Variants in GULP1 observed in about 807,000 individuals in gnomAD.
GULP1 encodes GULP PTB domain containing engulfment adaptor 1, also known as PTB domain-containing engulfment adapter protein 1.
In GULP1, 19 loss-of-function variants were observed where a neutral mutation model predicts 40.9. That is an observed-to-expected ratio of 0.46 (90% confidence interval 0.32 to 0.68). The LOEUF (loss-of-function observed/expected upper bound fraction) is 0.68, where lower values mean the gene tolerates loss of function less well. GULP1 is among the 30% of genes least tolerant of loss of function. The probability of loss-of-function intolerance (pLI) is 0.03; values close to 1 mark genes in which losing one functional copy is unlikely to be tolerated. For missense variants in GULP1, 312 were observed against 362.2 expected (o/e 0.86, Z 1.12); for synonymous variants, 119 against 117.6 (o/e 1.01, Z -0.08).
intron 1 of GULP1, among the ~76,000 whole-genome samples, chr2:188,363,334 A>G (rs1432244802): frequency 6.6e-6 from 1 of 152,116 alleles, no homozygotes; most frequent in Non-Finnish European, 1.5e-5. Context: ...TGTAGCCCTT[A>G]GAGTCCAATG....
At chr2:188,413,193 G>C (rs575644615) in intron 2 of GULP1, among the ~76,000 whole-genome samples, 12 of 152,218 alleles carry the variant, frequency 7.9e-5, no homozygotes, top group African/African-American at 2.9e-4. Context: ...TCTAAGATGT[G>C]GCTTCTTCAC....
intron 9 of GULP1, among the ~76,000 whole-genome samples, chr2:188,575,205 T>C (rs1279383776): frequency 1.3e-5 from 2 of 152,206 alleles, no homozygotes; most frequent in South Asian, 4.1e-4. Flanking sequence ...AAATTGTTCT[T>C]AGTAGTAGAC....
At chr2:188,508,800 C>A (rs772961630) in intron 4 of GULP1, among the ~76,000 whole-genome samples, 6 of 151,986 alleles carry the variant, frequency 3.9e-5, no homozygotes, top group South Asian at 2.1e-4. Context: ...TAATACACAC[C>A]TGGACACATC....
chr2:188,354,434 G>A (rs10206167), intron 1 of GULP1, among the ~76,000 whole-genome samples: 30,814 of 152,122 alleles, frequency 0.2, 3,330 homozygotes, highest in African/African-American at 0.27. Flanking sequence ...TGAACTGCGA[G>A]GGTGCCTCAG....
intron 1 of GULP1, among the ~76,000 whole-genome samples, chr2:188,356,537 A>C (rs997448391): frequency 6.6e-6 from 1 of 151,438 alleles, no homozygotes; most frequent in Non-Finnish European, 1.5e-5. Context: ...ATTGAGAAGG[A>C]CACACACACA....
intron 4 of GULP1, among the ~76,000 whole-genome samples, chr2:188,508,722 G>A (rs1358952545): frequency 6.6e-6 from 1 of 151,786 alleles, no homozygotes; most frequent in African/African-American, 2.4e-5. Context: ...AAAAAAAATG[G>A]CCCTTGTGGA....
Position 188,594,791 on chromosome 2 carries a change from T to G in GULP1, c.*780T>G, listed in dbSNP as rs377344272. 232 of 151,834 alleles carry G rather than the reference T, an allele frequency of 1.5e-3. No homozygotes were observed. The highest frequency in any genetic ancestry group is 5.5e-3 in the African/African-American group (229 of 41,528). The allele number at this position is 151,834 out of a possible 1,614,324, so 9.4% of individuals were successfully genotyped here. A position where few individuals can be genotyped will look rare whatever the true frequency, so the allele number is the denominator to read the frequency against. On this transcript the variant is annotated 3_prime_UTR_variant, in exon 12 of 12. Transcript: ENST00000409830. ...ATCTAAGCATCATCTGATTTGATATTCCCTAAAAAACATTTGGAATATATG... is the reference window on the plus strand; with the variant it reads ...ATCTAAGCATCATCTGATTTGATATGCCCTAAAAAACATTTGGAATATATG...
At chr2:188,382,018 G>A (rs923911536) in intron 1 of GULP1, among the ~76,000 whole-genome samples, 1 of 152,032 alleles carries the variant, frequency 6.6e-6, no homozygotes, top group African/African-American at 2.4e-5. Context: ...ATAAATATAT[G>A]GCCTTAAAAT....
chr2:188,338,518 T>C (rs1251540877), intron 1 of GULP1, among the ~76,000 whole-genome samples: 1 of 152,098 alleles, frequency 6.6e-6, no homozygotes, highest in Non-Finnish European at 1.5e-5. Context: ...TTGCCAGGGC[T>C]GGTCTTGAAC....
intron 2 of GULP1, among the ~76,000 whole-genome samples, chr2:188,472,588 A>G (rs907305330): frequency 1.3e-5 from 2 of 152,054 alleles, no homozygotes; most frequent in African/African-American, 4.8e-5. Context: ...GTTCTTTACC[A>G]TGTCCATTGC....
chr2:188,572,327 A>G (rs1699221561), intron 9 of GULP1, among the ~76,000 whole-genome samples: 1 of 152,200 alleles, frequency 6.6e-6, no homozygotes, highest in African/African-American at 2.4e-5. Context: ...TGAAATAGCT[A>G]TGTTTTAAAA....
At position 188,383,024 on chromosome 2, in the gene GULP1, A is replaced by G. The variant is rs374141105; in HGVS notation, c.-171-739A>G. ...GTTATGACGGGAAGCAGGGCACAAG[A>G]CTTAGATATGTTTCTCCATTCTTCC... is the stretch of plus-strand genomic sequence containing the variant. On this transcript the variant is annotated intron_variant, in intron 1 of 11. Coordinates refer to ENST00000409830, the MANE Select transcript of GULP1 (RefSeq NM_016315.4). 4.6e-5 allele frequency among the ~76,000 whole-genome samples: 7 copies of G among 152,248 alleles called. No homozygotes were observed. The East Asian group carries it at 1.2e-3, about 25-fold the overall frequency.
intron 4 of GULP1, among the ~76,000 whole-genome samples, chr2:188,492,448 A>G (rs974653354): frequency 6.6e-6 from 1 of 152,074 alleles, no homozygotes; most frequent in South Asian, 2.1e-4. Context: ...GATTTAAAAA[A>G]ATAGCATTTA....
chr2:188,484,830 A>C (rs2061727136), intron 4 of GULP1, among the ~76,000 whole-genome samples: 1 of 152,180 alleles, frequency 6.6e-6, no homozygotes, highest in Admixed American at 6.6e-5. Flanking sequence ...ACTTACCAGC[A>C]AAGAAATCTG....
In GULP1 at chr2:188,377,909, T is replaced by G. The variant is rs529238016; in HGVS notation, c.-171-5854T>G. Reference sequence around the variant, plus strand: ...GATTGGGGTGAGGTTTGCATACTTTTTCACTTCTCTGGGAGTGTAATTTGC... The same window carrying G: ...GATTGGGGTGAGGTTTGCATACTTTGTCACTTCTCTGGGAGTGTAATTTGC... On this transcript the variant is annotated intron_variant, in intron 1 of 11. Coordinates refer to ENST00000409830, the MANE Select transcript of GULP1 (RefSeq NM_016315.4). Among the ~76,000 whole-genome samples the G allele has an allele frequency of 5.3e-5, 8 of 152,266 alleles. No individual in the cohort carries two copies. The East Asian group carries it at 1.5e-3, about 29-fold the overall frequency.
At chr2:188,382,689 C>T (rs1445114164) in intron 1 of GULP1, among the ~76,000 whole-genome samples, 2 of 152,116 alleles carry the variant, frequency 1.3e-5, no homozygotes, top group Non-Finnish European at 2.9e-5. Context: ...GGTTCGAGAC[C>T]AGTCTGGCCA....
chr2:188,304,236 A>C (rs2036650816), intron 1 of GULP1, among the ~76,000 whole-genome samples: 3 of 152,126 alleles, frequency 2.0e-5, no homozygotes, highest in Admixed American at 2.0e-4. Context: ...ATAAAGTAAA[A>C]ATAGCACCCT....
At chr2:188,341,598 G>A (rs2042974426) in intron 1 of GULP1, among the ~76,000 whole-genome samples, 2 of 151,902 alleles carry the variant, frequency 1.3e-5, no homozygotes, top group Admixed American at 1.3e-4. Context: ...GAGTCTCAGG[G>A]GAATTTATAT....
intron 1 of GULP1, among the ~76,000 whole-genome samples, chr2:188,328,771 A>C (rs2041123190): frequency 6.6e-6 from 1 of 152,182 alleles, no homozygotes; most frequent in South Asian, 2.1e-4. Context: ...GCTTTTCTTT[A>C]ATAAACTCTT....
Sources: allele counts gnomAD v4.1 joint callset (sites outside exome capture counted in the v4.1 genomes callset), GRCh38; gene constraint gnomAD v4.1.1; transcripts MANE v1.5; gene names NCBI Gene and HGNC (gene_info 2026-07-23, HGNC 2026-07-21).